Variants in VEPH1 observed in about 807,000 individuals in gnomAD.
The protein encoded by VEPH1 is ventricular zone expressed PH domain containing 1, also known as ventricular zone-expressed PH domain-containing protein homolog 1.
A neutral mutation model predicts 85.2 loss-of-function variants in VEPH1; 80 were observed. That is an observed-to-expected ratio of 0.94 (90% CI 0.78 to 1.13). The LOEUF is 1.13. Among genes scored for constraint, VEPH1 ranks in the 50% most tolerant of loss-of-function variants. The probability of loss-of-function intolerance (pLI) is 0.00; values close to 1 mark genes in which losing one functional copy is unlikely to be tolerated. For synonymous variants in VEPH1, 297 were observed against 348.0 expected (o/e 0.85, Z 1.63); for missense variants, 955 against 980.5 (o/e 0.97, Z 0.35).
rs73158509 is a variant in VEPH1, at chr3:157,443,409, A to T, written c.530-14921T>A. ...TGGTATGTACCTTATTACAAAAAAA[A>T]GATGAAAACATATTTATACTACAAG... On this transcript the variant is annotated intron_variant, in intron 4 of 13. Transcript: ENST00000362010. 1.4e-3 allele frequency: 226 copies of T among 157,514 alleles called. 1 individual carries two copies. The highest frequency in any genetic ancestry group is 5.1e-3 in the African/African-American group (213 of 41,582). The allele number at this position is 157,514 out of a possible 1,614,324, so 9.8% of individuals were successfully genotyped here.
chr3:157,375,804 T>C (rs1577489282), intron 7 of VEPH1, among the ~76,000 whole-genome samples: 1 of 152,306 alleles, frequency 6.6e-6, no homozygotes, highest in African/African-American at 2.4e-5. Flanking sequence ...TTTTCAGGCC[T>C]GATTCTTAAA....
At chr3:157,309,047 G>A (rs111333884) in intron 11 of VEPH1, among the ~76,000 whole-genome samples, 9 of 151,890 alleles carry the variant, frequency 5.9e-5, no homozygotes, top group Non-Finnish European at 2.9e-5. Context: ...ATTTCAAATA[G>A]TATACTCCTT....
chr3:157,324,952 C>A (rs1721736725), intron 9 of VEPH1, among the ~76,000 whole-genome samples: 1 of 152,170 alleles, frequency 6.6e-6, no homozygotes, highest in Admixed American at 6.5e-5. Flanking sequence ...ACACTCCCAC[C>A]AACAGTGTAA....
chr3:157,461,105 T>C (rs1577711912), intron 3 of VEPH1, among the ~76,000 whole-genome samples: 1 of 152,298 alleles, frequency 6.6e-6, no homozygotes, highest in South Asian at 2.1e-4. Context: ...GAATGTAAGA[T>C]TAAAACCTAA....
At chr3:157,261,521 T>C in intron 13 of VEPH1, 151 bp from the exon 14 acceptor site, 1 of 1,226,546 alleles carries the variant, frequency 8.2e-7, no homozygotes, top group Non-Finnish European at 1.1e-6. Context: ...CTCAGAATCA[T>C]TAGAATAACT....
At chr3:157,291,450 TTA>T (rs1204182558) in intron 11 of VEPH1, among the ~76,000 whole-genome samples, 1 of 152,228 alleles carries the variant, frequency 6.6e-6, no homozygotes, top group East Asian at 1.9e-4. Flanking sequence ...CACAATTTTT[TTA>T]TGTTTTTCAA....
At chr3:157,272,375 T>TTTCCTTTC (rs200016080) in intron 12 of VEPH1, among the ~76,000 whole-genome samples, 8 of 94,970 alleles carry the variant, frequency 8.4e-5, no homozygotes, top group East Asian at 3.1e-4. Flanking sequence ...TTTCTCTTTC[T>TTTCCTTTC]TTTCTTTCTT....
chr3:157,264,515 C>G (rs1713347952), intron 13 of VEPH1, among the ~76,000 whole-genome samples: 1 of 152,204 alleles, frequency 6.6e-6, no homozygotes, highest in Non-Finnish European at 1.5e-5. Flanking sequence ...TTACCACTGA[C>G]TCTGTATTTT....
At chr3:157,460,392 C>T (rs1192876140) in intron 3 of VEPH1, 37 bp from the exon 4 acceptor site, 1 of 1,587,030 alleles carries the variant, frequency 6.3e-7, no homozygotes, top group Admixed American at 1.8e-5. Flanking sequence ...TAATAAGTGA[C>T]TCATTATTCA....
intron 4 of VEPH1, among the ~76,000 whole-genome samples, chr3:157,450,048 CTTTTTTT>C (rs761761440): frequency 5.7e-4 from 44 of 77,322 alleles, no homozygotes; most frequent in Admixed American, 7.7e-4. Context: ...AGAATATTTA[CTTTTTTT>C]TTTTTTTTTT....
chr3:157,304,653 C>A (rs1020086997), intron 11 of VEPH1, among the ~76,000 whole-genome samples: 3 of 152,094 alleles, frequency 2.0e-5, no homozygotes, highest in African/African-American at 7.2e-5. Flanking sequence ...TTCTAAAATC[C>A]TTATTTTATA....
intron 4 of VEPH1, among the ~76,000 whole-genome samples, chr3:157,457,938 G>A (rs1353589501): frequency 6.6e-6 from 1 of 152,120 alleles, no homozygotes; most frequent in Admixed American, 6.5e-5. Flanking sequence ...CAGCAGGAAT[G>A]GTACCAGCTC....
chr3:157,319,879 T>C (rs1024967108), intron 9 of VEPH1, among the ~76,000 whole-genome samples: 1 of 152,324 alleles, frequency 6.6e-6, no homozygotes, highest in South Asian at 2.1e-4. Flanking sequence ...GATTCTTAAC[T>C]TAGAAGCATA....
intron 2 of VEPH1, among the ~76,000 whole-genome samples, chr3:157,492,872 G>A (rs989674186): frequency 1.3e-5 from 2 of 152,158 alleles, no homozygotes; most frequent in Non-Finnish European, 2.9e-5. Context: ...GAAGTACCAG[G>A]CCTTAAAAGG....
At chr3:157,481,161 G>A (rs538885798) in intron 2 of VEPH1, among the ~76,000 whole-genome samples, 11 of 151,846 alleles carry the variant, frequency 7.2e-5, no homozygotes, top group African/African-American at 2.2e-4. Flanking sequence ...TTTGCATGTC[G>A]AATTGTTTAA....
intron 12 of VEPH1, among the ~76,000 whole-genome samples, chr3:157,277,448 T>C (rs1429132378): frequency 6.6e-6 from 1 of 152,244 alleles, no homozygotes; most frequent in African/African-American, 2.4e-5. Context: ...GTTTGGGTTG[T>C]ACCATTTGAA....
At chr3:157,350,290 G>A (rs942264557) in intron 9 of VEPH1, among the ~76,000 whole-genome samples, 2 of 152,140 alleles carry the variant, frequency 1.3e-5, no homozygotes, top group African/African-American at 4.8e-5. Flanking sequence ...TTCAATAAAT[G>A]ATGCTGCAAA....
intron 4 of VEPH1, among the ~76,000 whole-genome samples, chr3:157,444,100 G>A (rs1159636015): frequency 6.6e-6 from 1 of 152,132 alleles, no homozygotes; most frequent in Non-Finnish European, 1.5e-5. Context: ...TGTGGATGGG[G>A]AGGTAACTTT....
intron 6 of VEPH1, among the ~76,000 whole-genome samples, chr3:157,397,961 G>A (rs1730540914): frequency 6.6e-6 from 1 of 152,060 alleles, no homozygotes; most frequent in African/African-American, 2.4e-5. Context: ...TCTACTTTTG[G>A]TTGGTGCCAC....
Sources: gnomAD v4.1 joint callset for allele counts (sites outside exome capture counted in the v4.1 genomes callset) on GRCh38, gnomAD v4.1.1 for gene constraint, MANE v1.5 for transcripts, NCBI Gene and HGNC (gene_info 2026-07-23, HGNC 2026-07-21) for gene names.